CFAP61: variants seen among roughly 807,000 people sequenced by gnomAD.
CFAP61 encodes the protein cilia- and flagella-associated protein 61.
A neutral mutation model predicts 135.6 loss-of-function variants in CFAP61; 107 were observed. The ratio of observed to expected loss-of-function variants is 0.79; its 90% CI spans 0.67 to 0.93. The LOEUF (loss-of-function observed/expected upper bound fraction) is 0.93. Among genes scored for constraint, CFAP61 ranks in the 40% least tolerant of loss-of-function variants. The pLI is 0.00. For synonymous variants in CFAP61, 575 were observed against 578.5 expected (o/e 0.99, Z 0.09); for missense variants, 1,507 against 1,556.2 (o/e 0.97, Z 0.53).
At chr20:20,338,473 A>G (rs2058322172) in intron 25 of CFAP61, among the ~76,000 whole-genome samples, 1 of 151,924 alleles carries the variant, frequency 6.6e-6, no homozygotes. Context: ...TCTTGGAAAA[A>G]GTGATATGTT....
chr20:20,085,149 G>A lies in CFAP61; in HGVS notation c.567-5695G>A, dbSNP rs6046608. 11,279 of 985,336 alleles carry A rather than the reference G, an allele frequency of 0.011. 820 individuals carry two copies. The African/African-American group carries it at 0.16, about 14-fold the overall frequency. 61.0% of individuals were successfully genotyped at this position (985,336 alleles called of 1,614,324 possible). A position where few individuals can be genotyped will look rare whatever the true frequency, so the allele number is the denominator to read the frequency against. ...CTTCATCGCCACTGGAACACTGTGC[G>A]GCCTGTCAGTGCCAGGGCATGTGAC... On this transcript the variant is annotated intron_variant, in intron 6 of 26. Coordinates refer to ENST00000245957, the MANE Select transcript of CFAP61 (RefSeq NM_015585.4).
intron 19 of CFAP61, among the ~76,000 whole-genome samples, chr20:20,250,941 C>T (rs910780815): frequency 4.6e-5 from 7 of 152,336 alleles, no homozygotes; most frequent in South Asian, 4.1e-4. Context: ...GGCCTGCTGG[C>T]GGTCGAAGTC....
At chr20:20,169,292 C>T in intron 12 of CFAP61, 29 bp from the exon 13 acceptor site, 1 of 1,577,826 alleles carries the variant, frequency 6.3e-7, no homozygotes, top group Non-Finnish European at 8.6e-7. Context: ...TTTATTCTTT[C>T]TCTGTGTCCT....
At chr20:20,133,344 A>T (rs2050684737) in intron 8 of CFAP61, among the ~76,000 whole-genome samples, 1 of 152,136 alleles carries the variant, frequency 6.6e-6, no homozygotes, top group Non-Finnish European at 1.5e-5. Flanking sequence ...CTGACAGGTG[A>T]TCTAGTCAGG....
intron 15 of CFAP61, among the ~76,000 whole-genome samples, chr20:20,192,123 A>T (rs2055962130): frequency 6.6e-6 from 1 of 152,056 alleles, no homozygotes; most frequent in Non-Finnish European, 1.5e-5. Flanking sequence ...AATTGTACCT[A>T]CGTGGATTCT....
At chr20:20,150,662 T>C (rs1405643383) in intron 9 of CFAP61, among the ~76,000 whole-genome samples, 1 of 152,134 alleles carries the variant, frequency 6.6e-6, no homozygotes, top group Non-Finnish European at 1.5e-5. Flanking sequence ...TTCACTCCCC[T>C]GCCACCTCCA....
At chr20:20,198,357 A>G (rs554838767) in intron 16 of CFAP61, among the ~76,000 whole-genome samples, 3 of 152,218 alleles carry the variant, frequency 2.0e-5, no homozygotes, top group Non-Finnish European at 2.9e-5. Context: ...GAGAAAGTCC[A>G]TTTGCATCCA....
intron 11 of CFAP61, among the ~76,000 whole-genome samples, chr20:20,164,489 C>A (rs1285437859): frequency 6.6e-6 from 1 of 152,182 alleles, no homozygotes; most frequent in African/African-American, 2.4e-5. Context: ...ACTTACATAA[C>A]CACATGCTGC....
At chr20:20,309,973 T>A (rs1017851020) in intron 25 of CFAP61, among the ~76,000 whole-genome samples, 1 of 151,886 alleles carries the variant, frequency 6.6e-6, no homozygotes, top group Non-Finnish European at 1.5e-5. Context: ...CTTGGAGGGG[T>A]CAACCTTATT....
At chr20:20,243,460 G>A (rs1195485642) in intron 18 of CFAP61, among the ~76,000 whole-genome samples, 1 of 149,090 alleles carries the variant, frequency 6.7e-6, no homozygotes, top group African/African-American at 2.5e-5. Flanking sequence ...TTTTTGAGAT[G>A]GAGTTTCACT....
intron 8 of CFAP61, among the ~76,000 whole-genome samples, chr20:20,137,317 A>G (rs533325373): frequency 2.0e-5 from 3 of 152,162 alleles, no homozygotes; most frequent in Non-Finnish European, 2.9e-5. Context: ...ATCCAGGCCT[A>G]TGTCCTTCCC....
chr20:20,356,342 TGGTC>T, intron 26 of CFAP61, among the ~76,000 whole-genome samples: 1 of 103,628 alleles, frequency 9.6e-6, no homozygotes, highest in Admixed American at 9.6e-5. Context: ...TGAGGGGAGG[TGGTC>T]ATACTGTGAG....
At chr20:20,196,885 A>G (rs926579766) in intron 16 of CFAP61, 109 bp downstream of exon 16, 5 of 942,828 alleles carry the variant, frequency 5.3e-6, no homozygotes, top group Non-Finnish European at 8.3e-6. Context: ...TGATGATAAC[A>G]TGGGTCTGAA....
At chr20:20,356,391 T>G (rs1203114754) in intron 26 of CFAP61, among the ~76,000 whole-genome samples, 2 of 148,190 alleles carry the variant, frequency 1.3e-5, no homozygotes. Context: ...GTGGTCATAG[T>G]GTGAGGGGAG....
chr20:20,122,725 T>G (rs1446859680), intron 8 of CFAP61, among the ~76,000 whole-genome samples: 1 of 152,214 alleles, frequency 6.6e-6, no homozygotes, highest in Non-Finnish European at 1.5e-5. Context: ...GCTATAAACA[T>G]GTATGTCCAA....
At chr20:20,097,691 C>A (rs2047684266) in intron 7 of CFAP61, among the ~76,000 whole-genome samples, 1 of 152,192 alleles carries the variant, frequency 6.6e-6, no homozygotes, top group South Asian at 2.1e-4. Flanking sequence ...CAGAACCAGG[C>A]ATTTCAGGGT....
At chr20:20,234,836 C>T (rs550816913) in intron 18 of CFAP61, among the ~76,000 whole-genome samples, 33 of 152,154 alleles carry the variant, frequency 2.2e-4, no homozygotes, top group South Asian at 1.5e-3. Flanking sequence ...GATTCCAAAA[C>T]GCAGAACTTC....
intron 17 of CFAP61, among the ~76,000 whole-genome samples, chr20:20,218,281 G>A (rs973981803): frequency 2.6e-5 from 4 of 152,096 alleles, no homozygotes; most frequent in South Asian, 2.1e-4. Context: ...TAAGTCTCAC[G>A]AGATCTCATG....
chr20:20,105,488 A>G (rs2146654064), intron 8 of CFAP61, among the ~76,000 whole-genome samples: 1 of 152,126 alleles, frequency 6.6e-6, no homozygotes, highest in African/African-American at 2.4e-5. Context: ...TCCTTCTCCT[A>G]GATCCTGTGG....
Sources: gnomAD v4.1 joint callset for allele counts (sites outside exome capture counted in the v4.1 genomes callset) on GRCh38, gnomAD v4.1.1 for gene constraint, MANE v1.5 for transcripts, NCBI Gene and HGNC (gene_info 2026-07-23, HGNC 2026-07-21) for gene names.